Variants in EIF4G3 observed in about 807,000 individuals in gnomAD.
EIF4G3 encodes eIF-4-gamma 3.
A neutral mutation model predicts 186.4 loss-of-function variants in EIF4G3; 34 were observed. The ratio of observed to expected loss-of-function variants is 0.18; its 90% confidence interval spans 0.14 to 0.24. The LOEUF is 0.24. Ranked by LOEUF, EIF4G3 falls within the 10% of genes least tolerant of loss-of-function variation. EIF4G3 has a pLI of 1.00. For missense variants in EIF4G3, 1,536 were observed against 1,948.5 expected (o/e 0.79, Z 3.99); for synonymous variants, 673 against 679.5 (o/e 0.99, Z 0.15).
intron 3 of EIF4G3, among the ~76,000 whole-genome samples, chr1:21,082,928 C>T (rs1472136903): frequency 6.7e-6 from 1 of 149,964 alleles, no homozygotes; most frequent in African/African-American, 2.5e-5. Flanking sequence ...GTCCCAGCTA[C>T]TTGGGAGGCT....
At position 20,898,760 on chromosome 1, in the gene EIF4G3, C is replaced by T. The variant is rs191011061; in HGVS notation, c.1999+937G>A. On this transcript the variant is annotated intron_variant, in intron 16 of 36. Transcript: ENST00000602326. ...TCTTTCTTTTTTTGAGATGGAGTTT[C>T]GCTCTTGTTGCCCAGGCTGGAGTGC... 2.3e-3 allele frequency among the ~76,000 whole-genome samples: 357 copies of T among 152,186 alleles called. 2 individuals carry two copies. The highest frequency in any genetic ancestry group is 3.4e-3 in the Non-Finnish European group (228 of 68,004).
At chr1:21,010,373 T>C (rs1428503872) in intron 4 of EIF4G3, among the ~76,000 whole-genome samples, 2 of 136,334 alleles carry the variant, frequency 1.5e-5, no homozygotes, top group Non-Finnish European at 3.0e-5. Flanking sequence ...TAAGCTGAGA[T>C]AGTGCCACTG....
At chr1:21,113,178 C>T (rs1030499001) in intron 2 of EIF4G3, among the ~76,000 whole-genome samples, 1 of 134,254 alleles carries the variant, frequency 7.4e-6, no homozygotes, top group East Asian at 2.3e-4. Flanking sequence ...AAAAAAAGAG[C>T]TATGTAATGT....
intron 2 of EIF4G3, among the ~76,000 whole-genome samples, chr1:21,131,568 G>T (rs905797829): frequency 2.6e-5 from 4 of 151,106 alleles, no homozygotes; most frequent in Admixed American, 2.6e-4. Context: ...AAATCAAACA[G>T]CATGAAGGCA....
intron 4 of EIF4G3, among the ~76,000 whole-genome samples, chr1:21,004,197 T>C (rs747990409): frequency 3.9e-5 from 6 of 152,220 alleles, no homozygotes; most frequent in Non-Finnish European, 8.8e-5. Context: ...TTAATCCTTT[T>C]ACATGATCCC....
At chr1:20,814,782 C>G (rs184749002) in intron 34 of EIF4G3, among the ~76,000 whole-genome samples, 1 of 66,530 alleles carries the variant, frequency 1.5e-5, no homozygotes, top group Non-Finnish European at 3.0e-5. Context: ...CCTCCCCCTC[C>G]CCCTCTCCCT....
intron 4 of EIF4G3, among the ~76,000 whole-genome samples, chr1:21,048,322 T>A (rs577143260): frequency 2.7e-4 from 41 of 152,266 alleles, no homozygotes; most frequent in African/African-American, 9.9e-4. Flanking sequence ...GTCTTTCATA[T>A]CAAAATTCAC....
At chr1:21,007,538 C>CAAAAAAAAAAAAAAACA (rs1471121881) in intron 4 of EIF4G3, among the ~76,000 whole-genome samples, 1 of 58,488 alleles carries the variant, frequency 1.7e-5, no homozygotes, top group Non-Finnish European at 3.4e-5. Flanking sequence ...AAAAAAAAAA[C>CAAAAAAAAAAAAAAACA]ACACTCAAAA....
chr1:20,921,258 A>G (rs569156300), intron 14 of EIF4G3, among the ~76,000 whole-genome samples: 3 of 152,344 alleles, frequency 2.0e-5, no homozygotes, highest in African/African-American at 7.2e-5. Context: ...AGCCAATACA[A>G]TTTTGATGTA....
rs553697685 is a variant in EIF4G3 at position 21,128,524 on chromosome 1, A to C, written c.-271-39311T>G. 2.6e-5 allele frequency among the ~76,000 whole-genome samples: 4 copies of C among 152,224 alleles called. No individual in the cohort carries two copies. The South Asian group carries it at 8.3e-4, about 32-fold the overall frequency. ...AACTCCATCTCAAAAACAAAAAAAA[A>C]AGTTTCAACATTGTCAATTATATAA... On this transcript the variant is annotated intron_variant, in intron 2 of 36. Coordinates refer to ENST00000602326, the MANE Select transcript of EIF4G3 (RefSeq NM_001391906.1).
In EIF4G3 at chr1:20,897,520, T is replaced by TAA. The variant is rs58882539; in HGVS notation, c.2000-2021_2000-2020dup. Among the ~76,000 whole-genome samples the TAA allele has an allele frequency of 1.4e-3, 216 of 151,096 alleles. 2 individuals carry two copies. Among genetic ancestry groups the TAA allele is most frequent in the Non-Finnish European group, 1.7e-3 (116 of 67,728 alleles). Reference sequence around the variant, plus strand: ...TTTTTCTCCTGCCTATAATTTCATCTAAAAAAAAATCACAGTTTTCTTATT... The same window carrying TAA: ...TTTTTCTCCTGCCTATAATTTCATCTAAAAAAAAAAATCACAGTTTTCTTATT... On this transcript the variant is annotated intron_variant, in intron 16 of 36. Transcript: ENST00000602326.
intron 4 of EIF4G3, among the ~76,000 whole-genome samples, chr1:21,041,796 T>C (rs1571537495): frequency 6.6e-6 from 1 of 152,142 alleles, no homozygotes; most frequent in Non-Finnish European, 1.5e-5. Flanking sequence ...TTTAGATAGC[T>C]TGAGAGTTCA....
At chr1:20,869,648 G>A (rs990756821) in intron 20 of EIF4G3, among the ~76,000 whole-genome samples, 2 of 151,808 alleles carry the variant, frequency 1.3e-5, no homozygotes, top group Admixed American at 1.3e-4. Flanking sequence ...GGTGGCGGGC[G>A]CCTGTAGTCC....
intron 33 of EIF4G3, among the ~76,000 whole-genome samples, chr1:20,823,262 G>T (rs1467371018): frequency 6.6e-6 from 1 of 151,618 alleles, no homozygotes; most frequent in Admixed American, 6.6e-5. Context: ...TTTCCTTCTG[G>T]GACTCCAATT....
At chr1:20,813,665 G>C (rs200290323) in intron 34 of EIF4G3, among the ~76,000 whole-genome samples, 1 of 151,774 alleles carries the variant, frequency 6.6e-6, no homozygotes, top group Non-Finnish European at 1.5e-5. Flanking sequence ...TCAGGAGTTC[G>C]AGACCAATCT....
At chr1:21,099,992 A>C (rs1448374663) in intron 2 of EIF4G3, among the ~76,000 whole-genome samples, 2 of 152,212 alleles carry the variant, frequency 1.3e-5, no homozygotes, top group Non-Finnish European at 2.9e-5. Context: ...AGATGGACAA[A>C]TTGTGGCATA....
chr1:21,114,766 C>T (rs2096788216), intron 2 of EIF4G3, among the ~76,000 whole-genome samples: 1 of 152,090 alleles, frequency 6.6e-6, no homozygotes, highest in African/African-American at 2.4e-5. Context: ...AAAAGTAAAA[C>T]TGACATTTTG....
At chr1:21,042,496 T>C (rs1313140863) in intron 4 of EIF4G3, among the ~76,000 whole-genome samples, 2 of 152,218 alleles carry the variant, frequency 1.3e-5, no homozygotes, top group East Asian at 1.9e-4. Flanking sequence ...TCTATAAAGA[T>C]AGCTAGCCTT....
intron 4 of EIF4G3, among the ~76,000 whole-genome samples, chr1:21,006,201 T>C (rs1175238122): frequency 6.6e-6 from 1 of 152,234 alleles, no homozygotes; most frequent in Admixed American, 6.5e-5. Flanking sequence ...TCTTTTGATC[T>C]CTTCTCTGCA....
Sources: gnomAD v4.1 joint callset for allele counts (sites outside exome capture counted in the v4.1 genomes callset) on GRCh38, gnomAD v4.1.1 for gene constraint, MANE v1.5 for transcripts, NCBI Gene and HGNC (gene_info 2026-07-23, HGNC 2026-07-21) for gene names.